Variants in ATP10B observed in about 807,000 individuals in gnomAD.
ATP10B encodes ATPase phospholipid transporting 10B (putative).
Under a neutral mutation model 141.2 loss-of-function variants are expected in ATP10B, and 122 were observed. The observed-to-expected ratio is 0.86, with a 90% confidence interval of 0.75 to 1.00. ATP10B has a LOEUF of 1.00. Ranked by LOEUF, ATP10B falls within the 50% of genes least tolerant of loss-of-function variation. ATP10B has a pLI of 0.00. For synonymous variants in ATP10B, 685 were observed against 692.0 expected (o/e 0.99, Z 0.16); for missense variants, 1,876 against 1,825.3 (o/e 1.03, Z -0.51).
the ATP10B span, among the ~76,000 whole-genome samples, chr5:160,889,302 G>C: frequency 6.6e-6 from 1 of 152,194 alleles, no homozygotes; most frequent in African/African-American, 2.4e-5. Flanking sequence ...CGGGTGGCTA[G>C]AGTGCCCAGC....
intron 13 of ATP10B, among the ~76,000 whole-genome samples, chr5:160,625,124 T>C (rs1476534695): frequency 6.6e-6 from 1 of 152,236 alleles, no homozygotes; most frequent in Non-Finnish European, 1.5e-5. Flanking sequence ...AGGAGACTGA[T>C]GCCCAAGGAA....
intron 6 of ATP10B, among the ~76,000 whole-genome samples, chr5:160,671,460 G>A (rs1327591975): frequency 6.6e-6 from 1 of 152,150 alleles, no homozygotes; most frequent in African/African-American, 2.4e-5. Flanking sequence ...CGATAGGAAA[G>A]GCGAGGATCT....
At chr5:160,910,539 G>A in the ATP10B span, among the ~76,000 whole-genome samples, 273 of 152,264 alleles carry the variant, frequency 1.8e-3, no homozygotes, top group Non-Finnish European at 3.5e-3. Context: ...GTACTTGTAT[G>A]AGTCTGCAAT....
intron 2 of ATP10B, among the ~76,000 whole-genome samples, chr5:160,722,755 A>G (rs1766073618): frequency 6.6e-6 from 1 of 152,148 alleles, no homozygotes; most frequent in Non-Finnish European, 1.5e-5. Context: ...ATTTCAATCT[A>G]ATTGGGTCCT....
At chr5:160,793,658 T>A (rs183434159) in intron 1 of ATP10B, among the ~76,000 whole-genome samples, 61 of 152,304 alleles carry the variant, frequency 4.0e-4, no homozygotes, top group African/African-American at 1.4e-3. Context: ...GTAGCCTAAG[T>A]GTATGGTATT....
chr5:160,591,184 C>CCT (rs1561632771), intron 22 of ATP10B, 45 bp from the exon 23 acceptor site: 1 of 1,535,182 alleles, frequency 6.5e-7, no homozygotes, highest in Admixed American at 2.0e-5. Context: ...TTATAGCAAG[C>CCT]CTCTATTCTT....
intron 2 of ATP10B, among the ~76,000 whole-genome samples, chr5:160,773,377 A>G (rs1006888020): frequency 3.9e-5 from 6 of 152,182 alleles, no homozygotes; most frequent in African/African-American, 1.4e-4. Flanking sequence ...AAGTCTGGGT[A>G]CCAGCCACAT....
intron 3 of ATP10B, among the ~76,000 whole-genome samples, chr5:160,694,934 A>G (rs1764277798): frequency 6.6e-6 from 1 of 152,238 alleles, no homozygotes; most frequent in South Asian, 2.1e-4. Context: ...TTTTGGTTCT[A>G]AAATTGGGCA....
rs1023727301 is a variant in ATP10B at position 160,591,223 on chromosome 5, G to A, written c.3565-84C>T. 9.0e-6 allele frequency: 10 copies of A among 1,117,126 alleles called. No individual in the cohort carries two copies. The Admixed American group carries it at 1.1e-4, about 12-fold the overall frequency. The allele number at this position is 1,117,126 out of a possible 1,614,324, so 69.2% of individuals were successfully genotyped here. A position where few individuals can be genotyped will look rare whatever the true frequency, so the allele number is the denominator to read the frequency against. ...AAGCAACTTTCTTGCATGTGGCTGC[G>A]ACAGACAACCAGACGCATACAATGC... On this transcript the variant is annotated intron_variant, in intron 22 of 25. Transcript: ENST00000327245.
At chr5:160,641,695 G>A (rs549893907) in intron 9 of ATP10B, among the ~76,000 whole-genome samples, 2 of 152,194 alleles carry the variant, frequency 1.3e-5, no homozygotes, top group South Asian at 4.1e-4. Flanking sequence ...TCTCCTTTGG[G>A]GCTGCTGAAT....
At chr5:160,891,946 G>T in the ATP10B span, among the ~76,000 whole-genome samples, 2 of 152,144 alleles carry the variant, frequency 1.3e-5, no homozygotes, top group African/African-American at 4.8e-5. Flanking sequence ...AGAAATATGG[G>T]TAAGAGGTCT....
chr5:160,871,826 ATGTG>A, the ATP10B span, among the ~76,000 whole-genome samples: 1 of 152,112 alleles, frequency 6.6e-6, no homozygotes, highest in Admixed American at 6.6e-5. Context: ...GCTGTCATAA[ATGTG>A]TGTGCGTTTT....
At chr5:160,828,846 G>GC (rs1213813122) in intron 1 of ATP10B, among the ~76,000 whole-genome samples, 4 of 150,728 alleles carry the variant, frequency 2.7e-5, no homozygotes, top group Admixed American at 2.0e-4. Context: ...AGAAAATGTG[G>GC]CACATATACA....
intron 2 of ATP10B, among the ~76,000 whole-genome samples, chr5:160,772,819 TA>T (rs1770006074): frequency 1.3e-5 from 2 of 152,138 alleles, no homozygotes; most frequent in African/African-American, 4.8e-5. Context: ...CAGCGATGCT[TA>T]ACTCAGACAG....
intron 8 of ATP10B, among the ~76,000 whole-genome samples, chr5:160,644,638 T>A (rs1400932859): frequency 1.3e-5 from 2 of 152,154 alleles, no homozygotes; most frequent in Non-Finnish European, 2.9e-5. Context: ...CTGGTTGTCC[T>A]CACTGTTACA....
intron 1 of ATP10B, among the ~76,000 whole-genome samples, chr5:160,792,308 T>C (rs768574961): frequency 2.2e-4 from 34 of 152,178 alleles, no homozygotes; most frequent in Non-Finnish European, 4.1e-4. Context: ...TATCAGAGAA[T>C]GTGATCTTGT....
intron 6 of ATP10B, among the ~76,000 whole-genome samples, chr5:160,679,651 G>C (rs151193389): frequency 0.012 from 1,769 of 152,320 alleles, 21 homozygotes; most frequent in South Asian, 0.022. Context: ...GTGACCCCTA[G>C]ACTGAGAGTC....
chr5:160,650,119 T>C (rs888705685), intron 7 of ATP10B, among the ~76,000 whole-genome samples: 1 of 130,602 alleles, frequency 7.7e-6, no homozygotes. Flanking sequence ...AAAAAAATTT[T>C]ATATATATAT....
chr5:160,646,951 C>A (rs1760322353), intron 8 of ATP10B, among the ~76,000 whole-genome samples: 1 of 152,120 alleles, frequency 6.6e-6, no homozygotes, highest in African/African-American at 2.4e-5. Context: ...ATTGTAGCAT[C>A]CCTGGCCCCT....
Sources: allele counts gnomAD v4.1 joint callset (sites outside exome capture counted in the v4.1 genomes callset), GRCh38; gene constraint gnomAD v4.1.1; transcripts MANE v1.5; gene names NCBI Gene and HGNC (gene_info 2026-07-23, HGNC 2026-07-21).